Variants in ZNF717 observed in about 807,000 individuals in gnomAD.
ZNF717 encodes krueppel-like factor X17.
In ZNF717, 9 loss-of-function variants were observed where a neutral mutation model predicts 13.8. That is an observed-to-expected ratio of 0.65 (90% CI 0.39 to 1.14). ZNF717 has a LOEUF of 1.14. Among genes scored for constraint, ZNF717 ranks in the 50% most tolerant of loss-of-function variants. The pLI is 0.01. For missense variants in ZNF717, 1,040 were observed against 1,080.7 expected (o/e 0.96, Z 0.53); for synonymous variants, 327 against 364.1 (o/e 0.90, Z 1.16).
intron 4 of ZNF717, among the ~76,000 whole-genome samples, chr3:75,739,621 T>A (rs1234714521): frequency 6.6e-6 from 1 of 152,222 alleles, no homozygotes; most frequent in Non-Finnish European, 1.5e-5. Context: ...AATATGCATC[T>A]ACTTCCTACT....
intron 2 of ZNF717, among the ~76,000 whole-genome samples, chr3:75,771,853 G>C (rs1345312056): frequency 6.6e-6 from 1 of 152,222 alleles, no homozygotes; most frequent in Non-Finnish European, 1.5e-5. Context: ...TGCAGGCTCA[G>C]TCATACCTGG....
chr3:75,739,091 C>T lies in ZNF717; in HGVS notation c.532G>A (p.Glu178Lys). 6.4e-7 allele frequency: 1 copy of T among 1,551,576 alleles called. No homozygotes were observed. The highest frequency in any genetic ancestry group is 8.7e-7 in the Non-Finnish European group (1 of 1,146,936). The change falls in exon 5 of 5, where the codon GAG (glutamate) becomes AAG (lysine). Residue 178 changes from glutamate to lysine, a missense_variant. This residue lies in a region of ZNF717 where 873 missense variants were observed against 832.8 expected (regional missense o/e 1.05). Coordinates refer to ENST00000652011, the MANE Select transcript of ZNF717 (RefSeq NM_001290208.3). The part of the protein sequence containing the change: ...PIKPGETQSG[E>K]KPHVCDITRR... ...GTTATATCACAGACATGAGGTTTCT[C>T]TCCAGACTGTGTCTCCCCAGGCTTA...
At chr3:75,759,220 T>C (rs1942759693) in intron 2 of ZNF717, among the ~76,000 whole-genome samples, 1 of 151,846 alleles carries the variant, frequency 6.6e-6, no homozygotes, top group African/African-American at 2.4e-5. Flanking sequence ...GGCCGTCCTG[T>C]ATTGTACACT....
chr3:75,768,676 C>T (rs537720156), intron 2 of ZNF717, among the ~76,000 whole-genome samples: 1 of 149,996 alleles, frequency 6.7e-6, no homozygotes, highest in South Asian at 2.1e-4. Context: ...GGGCAGATGA[C>T]AGGCCACCAC....
chr3:75,741,472 T>C (rs1575783533), intron 3 of ZNF717, 104 bp from the exon 4 acceptor site: 7 of 1,386,710 alleles, frequency 5.0e-6, no homozygotes, highest in Non-Finnish European at 7.0e-6. Context: ...AGGAGCCAAT[T>C]TGAACATTTC....
intron 4 of ZNF717, among the ~76,000 whole-genome samples, 196 bp from the exon 5 acceptor site, chr3:75,739,541 C>T (rs1575773777): frequency 6.6e-6 from 1 of 152,118 alleles, no homozygotes; most frequent in East Asian, 1.9e-4. Flanking sequence ...TTCTAATGTT[C>T]AATTGAGTTT....
chr3:75,695,918 T>C (rs1263601019), intron 6 of ZNF717, among the ~76,000 whole-genome samples: 3 of 152,006 alleles, frequency 2.0e-5, no homozygotes, highest in African/African-American at 7.2e-5. Context: ...CTTAATTAAT[T>C]AGAAGAAAAA....
Position 75,749,714 on chromosome 3 carries a change from T to C in ZNF717, c.58-7978A>G, listed in dbSNP as rs1287566195. 2.0e-5 allele frequency among the ~76,000 whole-genome samples: 3 copies of C among 151,606 alleles called. No individual in the cohort carries two copies. In the East Asian group the frequency reaches 5.9e-4, roughly 30 times the overall value. On this transcript the variant is annotated intron_variant, in intron 2 of 4. Coordinates refer to ENST00000652011, the MANE Select transcript of ZNF717 (RefSeq NM_001290208.3). ...CCCCTCACTTAGGATTCCAGAACACTGCCATGAGGGCCTGAATGATTGCCC... is the reference window on the plus strand; with the variant it reads ...CCCCTCACTTAGGATTCCAGAACACCGCCATGAGGGCCTGAATGATTGCCC...
intron 2 of ZNF717, among the ~76,000 whole-genome samples, chr3:75,745,086 A>G (rs1575801498): frequency 6.6e-6 from 1 of 151,924 alleles, no homozygotes; most frequent in Non-Finnish European, 1.5e-5. Context: ...TCTCCCTCAC[A>G]TAGAATTCCA....
At chr3:75,699,831 G>A (rs1346747398) in intron 6 of ZNF717, among the ~76,000 whole-genome samples, 46 of 152,364 alleles carry the variant, frequency 3.0e-4, no homozygotes, top group African/African-American at 1.1e-3. Flanking sequence ...ATACAAATCA[G>A]TAGGATTTCT....
At chr3:75,769,647 T>C (rs1404858208) in intron 2 of ZNF717, among the ~76,000 whole-genome samples, 1 of 152,174 alleles carries the variant, frequency 6.6e-6, no homozygotes, top group African/African-American at 2.4e-5. Flanking sequence ...AATGCAAGAA[T>C]GGAGCATAGT....
chr3:75,739,361 A>T lies in ZNF717; in HGVS notation c.278-16T>A. On this transcript the variant is annotated splice_polypyrimidine_tract_variant and intron_variant, in intron 4 of 4. Transcript: ENST00000652011. ...ATCTGGACAGCTGAAATGAGAAAAA[A>T]GGTATCCATGAACCACACATGAGCA... 1 of 1,421,146 alleles carries T rather than the reference A, an allele frequency of 7.0e-7. No individual in the cohort carries two copies. Among genetic ancestry groups the T allele is most frequent in the Non-Finnish European group, 9.2e-7 (1 of 1,085,770 alleles). 88.0% of individuals were successfully genotyped at this position (1,421,146 alleles called of 1,614,324 possible).
chr3:75,745,462 T>C lies in ZNF717; in HGVS notation c.58-3726A>G, dbSNP rs528760324. Among the ~76,000 whole-genome samples, 3 of 152,236 alleles carry C rather than the reference T, an allele frequency of 2.0e-5. No individual in the cohort carries two copies. In the East Asian group the frequency reaches 5.8e-4, roughly 29 times the overall value. On this transcript the variant is annotated intron_variant, in intron 2 of 4. Coordinates refer to ENST00000652011, the MANE Select transcript of ZNF717 (RefSeq NM_001290208.3). ...TAATTAACAAATACATCAATTCGCA[T>C]AGCTATCATTTTTCTGGTGAATACA...
At chr3:75,748,143 G>A (rs1192956190) in intron 2 of ZNF717, among the ~76,000 whole-genome samples, 2 of 152,128 alleles carry the variant, frequency 1.3e-5, no homozygotes, top group Admixed American at 6.6e-5. Flanking sequence ...ACTAAACCAG[G>A]AGGAAGTTGA....
intron 2 of ZNF717, among the ~76,000 whole-genome samples, chr3:75,770,604 T>C (rs1046334434): frequency 4.7e-4 from 72 of 151,818 alleles, no homozygotes; most frequent in Non-Finnish European, 2.6e-4. Flanking sequence ...CAAACAAAAG[T>C]AACAGGGCTT....
At chr3:75,778,541 A>C (rs1008983399) in intron 2 of ZNF717, among the ~76,000 whole-genome samples, 2 of 151,790 alleles carry the variant, frequency 1.3e-5, no homozygotes, top group African/African-American at 4.8e-5. Flanking sequence ...CAGAAACCCA[A>C]AACAGTGGGA....
intron 4 of ZNF717, among the ~76,000 whole-genome samples, chr3:75,724,461 G>A (rs1821927): frequency 0.83 from 125,914 of 151,576 alleles, 52,155 homozygotes; most frequent in East Asian, 0.89. Flanking sequence ...CCAACTGGTC[G>A]CAAACTCTTG....
intron 2 of ZNF717, among the ~76,000 whole-genome samples, chr3:75,748,811 A>G (rs1941409791): frequency 6.6e-6 from 1 of 152,208 alleles, no homozygotes. Context: ...CATCACTCCT[A>G]TTCAACATAG....
intron 2 of ZNF717, among the ~76,000 whole-genome samples, chr3:75,781,138 T>G (rs1464784390): frequency 1.3e-5 from 2 of 152,280 alleles, no homozygotes. Context: ...TCCTTGTGGA[T>G]GAACTGCAAC....
Sources: gnomAD v4.1 joint callset for allele counts (sites outside exome capture counted in the v4.1 genomes callset) on GRCh38, gnomAD v4.1.1 for gene constraint, gnomAD v4.1.1 regional missense constraint, MANE v1.5 for transcripts, NCBI Gene and HGNC (gene_info 2026-07-23, HGNC 2026-07-21) for gene names.